ITFG1: variants seen among roughly 807,000 people sequenced by gnomAD.
ITFG1 encodes T-cell immunomodulatory protein.
Under a neutral mutation model 81.8 loss-of-function variants are expected in ITFG1, and 34 were observed. That is an observed-to-expected ratio of 0.42 (90% CI 0.32 to 0.55). ITFG1 has a LOEUF of 0.55. Ranked by LOEUF, ITFG1 falls within the 20% of genes least tolerant of loss-of-function variation. ITFG1 has a pLI of 0.17. For synonymous variants in ITFG1, 285 were observed against 270.6 expected (o/e 1.05, Z -0.52); for missense variants, 672 against 755.4 (o/e 0.89, Z 1.29).
chr16:47,266,332 C>A (rs1966275163), intron 10 of ITFG1, among the ~76,000 whole-genome samples: 1 of 152,176 alleles, frequency 6.6e-6, no homozygotes, highest in African/African-American at 2.4e-5. Context: ...ATTCTCCTAC[C>A]TCAGCCTCTG....
chr16:47,186,496 C>T (rs1262728891), intron 14 of ITFG1, among the ~76,000 whole-genome samples: 3 of 152,094 alleles, frequency 2.0e-5, no homozygotes, highest in Admixed American at 2.0e-4. Context: ...AGAAACAGAA[C>T]CAAAGACAAA....
chr16:47,295,383 G>C (rs1247636544), intron 10 of ITFG1, among the ~76,000 whole-genome samples: 1 of 152,110 alleles, frequency 6.6e-6, no homozygotes, highest in African/African-American at 2.4e-5. Flanking sequence ...AGTAGAACTG[G>C]TACCAGTACT....
intron 6 of ITFG1, among the ~76,000 whole-genome samples, chr16:47,413,785 C>T (rs370233227): frequency 2.6e-5 from 4 of 152,032 alleles, no homozygotes; most frequent in South Asian, 2.1e-4. Flanking sequence ...AAAATAAAAC[C>T]GTAAGGTGCA....
intron 5 of ITFG1, among the ~76,000 whole-genome samples, chr16:47,445,079 T>C (rs1040196537): frequency 1.3e-5 from 2 of 149,914 alleles, no homozygotes; most frequent in African/African-American, 4.9e-5. Context: ...TCTGCTTTTG[T>C]ATGCAAGCTT....
intron 1 of ITFG1, among the ~76,000 whole-genome samples, chr16:47,459,627 A>G (rs1056291581): frequency 6.6e-5 from 10 of 152,210 alleles, no homozygotes; most frequent in Non-Finnish European, 1.5e-4. Context: ...CAAAGACATA[A>G]TTAAGCATGT....
At chr16:47,350,983 A>C (rs1179118516) in intron 8 of ITFG1, among the ~76,000 whole-genome samples, 1 of 152,234 alleles carries the variant, frequency 6.6e-6, no homozygotes, top group Non-Finnish European at 1.5e-5. Context: ...CAATAGATGC[A>C]GAAAAGGCCT....
chr16:47,322,587 G>A (rs1324810805), intron 8 of ITFG1, among the ~76,000 whole-genome samples: 1 of 152,136 alleles, frequency 6.6e-6, no homozygotes, highest in Non-Finnish European at 1.5e-5. Context: ...CTATTTGGGA[G>A]GCTGAGGCAG....
At chr16:47,382,917 T>C (rs1968413728) in intron 6 of ITFG1, among the ~76,000 whole-genome samples, 1 of 152,190 alleles carries the variant, frequency 6.6e-6, no homozygotes, top group African/African-American at 2.4e-5. Flanking sequence ...GTATGTTGAA[T>C]TGTTAGGAGA....
chr16:47,377,824 T>C (rs1317199319), intron 6 of ITFG1, among the ~76,000 whole-genome samples: 1 of 152,232 alleles, frequency 6.6e-6, no homozygotes, highest in Non-Finnish European at 1.5e-5. Context: ...TTTCTATCCC[T>C]GCTGTTTCTA....
chr16:47,365,985 T>C, intron 7 of ITFG1, 116 bp from the exon 8 acceptor site: 1 of 575,560 alleles, frequency 1.7e-6, no homozygotes, highest in Non-Finnish European at 3.1e-6. Context: ...TTTGTTGTAT[T>C]GCACAAAAAT....
intron 14 of ITFG1, among the ~76,000 whole-genome samples, chr16:47,163,849 T>C (rs1964846816): frequency 6.6e-6 from 1 of 151,946 alleles, no homozygotes; most frequent in African/African-American, 2.4e-5. Flanking sequence ...TTTACTTGCA[T>C]TTCCCAAATG....
rs144134239 is a variant in ITFG1 at position 47,311,260 on chromosome 16, T to C, written c.1050A>G (p.Ile350Met). The C allele has an allele frequency of 9.5e-5, 153 of 1,610,172 alleles. No homozygotes were observed. Among genetic ancestry groups the C allele is most frequent in the Non-Finnish European group, 1.2e-4 (146 of 1,178,122 alleles). The change falls in exon 10 of 18, where the codon ATA (isoleucine) becomes ATG (methionine). Residue 350 changes from isoleucine (I) to methionine (M), a missense_variant. Ile to Met is a conservative substitution (Grantham distance 10, BLOSUM62 1). Transcript: ENST00000320640. The stretch of plus-strand genomic sequence containing the variant: ...CTTACCTTCCAGATGTGTTCTTTAG[T>C]ATGACCAGAGCGTCTGGATAGCCAT... Reference protein sequence around the residue: ...NMDGYPDALVILKNTSGSNQQ... With the variant: ...NMDGYPDALVMLKNTSGSNQQ...
In ITFG1 at chr16:47,218,670, T is replaced by G. The variant is rs1031698544; in HGVS notation, c.1453+198A>C. 46 of 336,144 alleles carry G rather than the reference T, an allele frequency of 1.4e-4. 1 individual carries two copies. The highest frequency in any genetic ancestry group is 2.2e-4 in the South Asian group (2 of 9,110). The allele number at this position is 336,144 out of a possible 1,614,324, so 20.8% of individuals were successfully genotyped here. On this transcript the variant is annotated intron_variant, in intron 14 of 17. Coordinates refer to ENST00000320640, the MANE Select transcript of ITFG1 (RefSeq NM_030790.5). The stretch of plus-strand genomic sequence containing the variant: ...TTGGCTCCATCATAATAGGGATATA[T>G]GAAGAATTGAAAGTGAACATTTTTT...
intron 14 of ITFG1, among the ~76,000 whole-genome samples, chr16:47,204,365 C>G (rs1965465809): frequency 6.6e-6 from 1 of 152,162 alleles, no homozygotes; most frequent in Non-Finnish European, 1.5e-5. Flanking sequence ...CTCAGTGACT[C>G]CAACAGGTAC....
intron 14 of ITFG1, among the ~76,000 whole-genome samples, chr16:47,211,825 T>G (rs574090586): frequency 6.6e-6 from 1 of 152,332 alleles, no homozygotes; most frequent in Non-Finnish European, 1.5e-5. Flanking sequence ...GATTTTTTAA[T>G]CTTGAACTGG....
chr16:47,261,770 C>T (rs1192876127), intron 10 of ITFG1, among the ~76,000 whole-genome samples: 3 of 152,202 alleles, frequency 2.0e-5, no homozygotes, highest in Non-Finnish European at 4.4e-5. Context: ...GCCTCCTGGG[C>T]TCAAGTGACC....
intron 6 of ITFG1, among the ~76,000 whole-genome samples, chr16:47,421,742 A>G (rs1249952882): frequency 6.6e-6 from 1 of 152,232 alleles, no homozygotes; most frequent in African/African-American, 2.4e-5. Context: ...GGTTTGTTAC[A>G]TAGGTATACA....
chr16:47,259,498 A>G (rs1362303624), intron 11 of ITFG1, among the ~76,000 whole-genome samples: 1 of 152,230 alleles, frequency 6.6e-6, no homozygotes, highest in African/African-American at 2.4e-5. Context: ...GCTAATGAAA[A>G]GTGAAATAAC....
chr16:47,459,172 T>C lies in ITFG1; in HGVS notation c.212A>G (p.Asn71Ser), dbSNP rs970249102. The change falls in exon 2 of 18, where the codon AAT becomes AGT. Residue 71 changes from asparagine to serine, a missense_variant. By Grantham distance (46) the Asn-to-Ser change is conservative. Transcript: ENST00000320640. ...GTCTGCCAAAAAGACGATTAAGTCA[T>C]TTCCTAAAGAAAACAAATATATGAT... ...QTDLFVLRER[N>S]DLIVFLADQN... 1.9e-6 allele frequency: 3 copies of C among 1,587,110 alleles called. No homozygotes were observed. Among genetic ancestry groups the C allele is most frequent in the Non-Finnish European group, 2.6e-6 (3 of 1,155,884 alleles).
Sources: allele counts gnomAD v4.1 joint callset (sites outside exome capture counted in the v4.1 genomes callset), GRCh38; gene constraint gnomAD v4.1.1; transcripts MANE v1.5; gene names NCBI Gene and HGNC (gene_info 2026-07-23, HGNC 2026-07-21).